The following TAF1B variants were observed in gnomAD, a reference collection of about 807,000 sequenced individuals.
TAF1B encodes the protein TATA box-binding protein-associated factor RNA polymerase I subunit B.
TAF1B carries 61 observed loss-of-function variants against 83.9 expected under a neutral mutation model. The ratio of observed to expected loss-of-function variants is 0.73; its 90% CI spans 0.59 to 0.90. The LOEUF (loss-of-function observed/expected upper bound fraction) is 0.90. Ranked by LOEUF, TAF1B falls within the 40% of genes least tolerant of loss-of-function variation. TAF1B has a pLI of 0.00. For synonymous variants in TAF1B, 221 were observed against 224.6 expected, an observed-to-expected ratio of 0.98 and a Z score of 0.14; for missense variants, 625 against 677.0, an observed-to-expected ratio of 0.92 and a Z score of 0.85.
intron 5 of TAF1B, among the ~76,000 whole-genome samples, chr2:9,859,686 G>A (rs1392776417): frequency 2.0e-5 from 3 of 152,076 alleles, no homozygotes; most frequent in South Asian, 2.1e-4. Context: ...GCACCTGGCC[G>A]CTAACAGCAT....
intron 2 of TAF1B, chr2:9,845,981 T>TC (rs1359628652): frequency 2.2e-6 from 1 of 449,268 alleles, no homozygotes; most frequent in Non-Finnish European, 4.6e-6. Context: ...AGACTCTGTC[T>TC]AAAAAAGAGA....
chr2:9,866,723 T>C (rs1341832247), intron 5 of TAF1B, among the ~76,000 whole-genome samples: 3 of 152,194 alleles, frequency 2.0e-5, no homozygotes, highest in Non-Finnish European at 2.9e-5. Context: ...TAAGAAAATG[T>C]GGCACATACA....
chr2:9,911,981 C>A (rs909649127), intron 11 of TAF1B, among the ~76,000 whole-genome samples: 1 of 152,202 alleles, frequency 6.6e-6, no homozygotes, highest in African/African-American at 2.4e-5. Flanking sequence ...GCATAAACAC[C>A]ACTCTTCTGT....
chr2:9,869,554 C>T (rs1664101553), intron 6 of TAF1B, among the ~76,000 whole-genome samples: 2 of 151,756 alleles, frequency 1.3e-5, no homozygotes, highest in African/African-American at 2.4e-5. Flanking sequence ...ATGATGATCC[C>T]TAGAGCTTTC....
intron 9 of TAF1B, among the ~76,000 whole-genome samples, chr2:9,905,519 T>C: frequency 6.6e-6 from 1 of 152,172 alleles, no homozygotes; most frequent in Non-Finnish European, 1.5e-5. Context: ...TTTAAGGCAG[T>C]GAAACATAGA....
chr2:9,897,916 C>G (rs370101392), intron 8 of TAF1B, among the ~76,000 whole-genome samples: 4 of 152,092 alleles, frequency 2.6e-5, no homozygotes, highest in Admixed American at 2.6e-4. Flanking sequence ...TCTTCCCTCC[C>G]AGACAGCATG....
chr2:9,863,591 G>A (rs1182753034), intron 5 of TAF1B, among the ~76,000 whole-genome samples: 1 of 152,178 alleles, frequency 6.6e-6, no homozygotes, highest in Admixed American at 6.5e-5. Flanking sequence ...TCTGCACCAA[G>A]TGGACCTAAT....
rs893194448 is a variant in TAF1B, at chr2:9,882,913, A to C, written c.807+108A>C. Reference sequence around the variant, plus strand: ...TATTTGGTGTTTTGTGTTTTATCCCAATATGGAACATCAGTCATAATTTAA... The same window carrying C: ...TATTTGGTGTTTTGTGTTTTATCCCCATATGGAACATCAGTCATAATTTAA... On this transcript the variant is annotated intron_variant, in intron 8 of 14. Transcript: ENST00000263663. 1.4e-5 allele frequency: 10 copies of C among 697,662 alleles called. No homozygotes were observed. In the African/African-American group the frequency reaches 1.5e-4, roughly 10 times the overall value. 43.2% of individuals were successfully genotyped at this position (697,662 alleles called of 1,614,324 possible). A position where few individuals can be genotyped will look rare whatever the true frequency, so the allele number is the denominator to read the frequency against.
Position 9,934,208 on chromosome 2 carries a change from A to G in TAF1B, c.*224A>G. On this transcript the variant is annotated 3_prime_UTR_variant, in exon 15 of 15. Transcript: ENST00000263663. Reference sequence around the variant, plus strand: ...AGTATGAACATTCTAAGAGAAAGTTAAAACAATAGCAAATTGTATAATTGT... The same window carrying G: ...AGTATGAACATTCTAAGAGAAAGTTGAAACAATAGCAAATTGTATAATTGT... The G allele has an allele frequency of 4.8e-6, 2 of 420,348 alleles. No individual in the cohort carries two copies. The highest frequency in any genetic ancestry group is 8.5e-6 in the Non-Finnish European group (2 of 235,274). 26.0% of individuals were successfully genotyped at this position (420,348 alleles called of 1,614,324 possible).
intron 4 of TAF1B, among the ~76,000 whole-genome samples, chr2:9,852,290 G>T (rs1663421684): frequency 2.0e-5 from 3 of 152,122 alleles, no homozygotes; most frequent in African/African-American, 7.2e-5. Context: ...CAGTATTTCT[G>T]CAATTATTTG....
chr2:9,881,756 T>A (rs1465668020), intron 7 of TAF1B, among the ~76,000 whole-genome samples: 3 of 152,226 alleles, frequency 2.0e-5, no homozygotes, highest in Non-Finnish European at 2.9e-5. Flanking sequence ...TAAATAAATA[T>A]ATTTGTCTAT....
At position 9,844,968 on chromosome 2, in the gene TAF1B, AC is replaced by A. The variant is rs1663155451; in HGVS notation, c.19-248del. ...GTTTACTCATCTTTGGTTCCAGTTT[AC>A]CCCTACTACCTCCTTTTCTTTTTTT... On this transcript the variant is annotated intron_variant, in intron 1 of 14. Coordinates refer to ENST00000263663, the MANE Select transcript of TAF1B (RefSeq NM_005680.3). Among the ~76,000 whole-genome samples the A allele has an allele frequency of 2.6e-5, 4 of 151,602 alleles. No homozygotes were observed. The South Asian group carries it at 8.3e-4, about 32-fold the overall frequency.
chr2:9,862,918 C>T (rs568401725), intron 5 of TAF1B, among the ~76,000 whole-genome samples: 23 of 152,220 alleles, frequency 1.5e-4, no homozygotes, highest in African/African-American at 5.1e-4. Context: ...ACCACCAGGC[C>T]TGCCCTAAAA....
intron 5 of TAF1B, among the ~76,000 whole-genome samples, chr2:9,859,282 G>C (rs1179788678): frequency 6.6e-6 from 1 of 152,022 alleles, no homozygotes; most frequent in Non-Finnish European, 1.5e-5. Flanking sequence ...CAGTCTCTTT[G>C]CTGAAACATA....
chr2:9,931,456 G>T (rs997361237), intron 14 of TAF1B, among the ~76,000 whole-genome samples: 2 of 152,058 alleles, frequency 1.3e-5, no homozygotes, highest in African/African-American at 4.8e-5. Context: ...TGAAATTCTG[G>T]GTTGAAAATT....
At chr2:9,913,724 C>T (rs1046675368) in intron 12 of TAF1B, 1 of 152,728 alleles carries the variant, frequency 6.5e-6, no homozygotes, top group Non-Finnish European at 1.5e-5. Context: ...ATAGCAAGTC[C>T]ATTTGATTCA....
At chr2:9,910,994 A>G in intron 10 of TAF1B, 81 bp downstream of exon 10, 1 of 1,344,302 alleles carries the variant, frequency 7.4e-7, no homozygotes, top group Non-Finnish European at 1.0e-6. Context: ...AATGTCATGA[A>G]GACACTTTAA....
At chr2:9,863,083 T>G (rs1663833569) in intron 5 of TAF1B, among the ~76,000 whole-genome samples, 3 of 152,162 alleles carry the variant, frequency 2.0e-5, no homozygotes, top group Admixed American at 6.5e-5. Flanking sequence ...CAGGATCAGA[T>G]TCACACATAA....
At chr2:9,907,660 G>A (rs771758701) in intron 9 of TAF1B, among the ~76,000 whole-genome samples, 4 of 152,060 alleles carry the variant, frequency 2.6e-5, no homozygotes, top group African/African-American at 7.2e-5. Flanking sequence ...TGTCACCCAC[G>A]AGCCTGCTGG....
Sources: allele counts gnomAD v4.1 joint callset (sites outside exome capture counted in the v4.1 genomes callset), GRCh38; gene constraint gnomAD v4.1.1; transcripts MANE v1.5; gene names NCBI Gene and HGNC (gene_info 2026-07-23, HGNC 2026-07-21).